Variants in CEMIP observed in about 807,000 individuals in gnomAD.
The protein encoded by CEMIP is cell migration inducing hyaluronidase 1.
Under a neutral mutation model 156.9 loss-of-function variants are expected in CEMIP, and 105 were observed. That is an observed-to-expected ratio of 0.67 (90% CI 0.57 to 0.79). CEMIP has a LOEUF of 0.79. Ranked by LOEUF, CEMIP falls within the 30% of genes least tolerant of loss-of-function variation. The probability of loss-of-function intolerance (pLI) is 0.00; values close to 1 mark genes in which losing one functional copy is unlikely to be tolerated. For synonymous variants in CEMIP, 676 were observed against 668.4 expected (o/e 1.01, Z -0.17); for missense variants, 1,457 against 1,769.4 (o/e 0.82, Z 3.17).
At chr15:80,804,114 C>T (rs1423525284) in intron 1 of CEMIP, among the ~76,000 whole-genome samples, 1 of 152,186 alleles carries the variant, frequency 6.6e-6, no homozygotes, top group Non-Finnish European at 1.5e-5. Flanking sequence ...AAGAGAACAG[C>T]ACCGGAAAGA....
intron 13 of CEMIP, among the ~76,000 whole-genome samples, chr15:80,908,711 C>G (rs908821104): frequency 1.3e-5 from 2 of 152,112 alleles, no homozygotes; most frequent in African/African-American, 4.8e-5. Flanking sequence ...CCTGGATTCC[C>G]CATGGTCATA....
chr15:80,926,826 G>C (rs373490512), intron 19 of CEMIP, among the ~76,000 whole-genome samples: 3 of 124,934 alleles, frequency 2.4e-5, no homozygotes, highest in East Asian at 5.4e-4. Context: ...GGGTGGGGGG[G>C]GGGGGTCTTC....
chr15:80,784,826 G>A (rs571574923), intron 1 of CEMIP, among the ~76,000 whole-genome samples: 4 of 152,286 alleles, frequency 2.6e-5, no homozygotes, highest in South Asian at 2.1e-4. Flanking sequence ...GGTGCACAGA[G>A]CTGCCTTCAA....
rs569601278 is a variant in CEMIP at position 80,871,554 on chromosome 15, C to T, written c.-175-1984C>T. On this transcript the variant is annotated intron_variant, in intron 1 of 29. Coordinates refer to ENST00000394685, the MANE Select transcript of CEMIP (RefSeq NM_001293298.2). Reference sequence around the variant, plus strand: ...AGGAAATGTCTTAATGAGGGTCACCCAACAAGTTAGGGCAGGAGGGATGCC... The same window carrying T: ...AGGAAATGTCTTAATGAGGGTCACCTAACAAGTTAGGGCAGGAGGGATGCC... 2.0e-5 allele frequency among the ~76,000 whole-genome samples: 3 copies of T among 152,282 alleles called. No homozygotes were observed. In the East Asian group the frequency reaches 5.8e-4, roughly 29 times the overall value.
chr15:80,845,839 G>C (rs138301638), intron 1 of CEMIP, among the ~76,000 whole-genome samples: 106 of 152,250 alleles, frequency 7.0e-4, no homozygotes, highest in African/African-American at 2.5e-3. Flanking sequence ...TTAGACCCTG[G>C]AGTGTCACGA....
intron 1 of CEMIP, among the ~76,000 whole-genome samples, chr15:80,821,703 C>T (rs905651887): frequency 3.3e-5 from 5 of 152,216 alleles, no homozygotes; most frequent in Non-Finnish European, 5.9e-5. Flanking sequence ...GTATCCCTTA[C>T]ATCTCTTTCT....
chr15:80,896,290 G>A, intron 12 of CEMIP: 1 of 675,486 alleles, frequency 1.5e-6, no homozygotes, highest in South Asian at 1.5e-5. Flanking sequence ...CTGAGAGTTG[G>A]GTTCAAGTCA....
At chr15:80,909,416 T>C in intron 14 of CEMIP, 110 bp downstream of exon 14, 1 of 1,099,114 alleles carries the variant, frequency 9.1e-7, no homozygotes, top group Non-Finnish European at 1.4e-6. Flanking sequence ...GATTGAACCA[T>C]CCTTAGTTCA....
chr15:80,803,241 G>C (rs1277906291), intron 1 of CEMIP, among the ~76,000 whole-genome samples: 1 of 152,148 alleles, frequency 6.6e-6, no homozygotes, highest in African/African-American at 2.4e-5. Context: ...AGGATGGCTG[G>C]ATTCTGTCCC....
intron 28 of CEMIP, among the ~76,000 whole-genome samples, chr15:80,945,567 A>C (rs145942433): frequency 6.6e-6 from 1 of 152,318 alleles, no homozygotes; most frequent in East Asian, 1.9e-4. Context: ...GCCTTCCTCA[A>C]GGGCCTGAGG....
intron 1 of CEMIP, among the ~76,000 whole-genome samples, chr15:80,795,411 G>C (rs1356999265): frequency 1.3e-5 from 2 of 152,026 alleles, no homozygotes; most frequent in Non-Finnish European, 1.5e-5. Flanking sequence ...GGAAGGAGAA[G>C]TGTGGGTGGA....
At position 80,907,089 on chromosome 15, in the gene CEMIP, C is replaced by T. The variant is rs191091144; in HGVS notation, c.1587+251C>T. The stretch of plus-strand genomic sequence containing the variant: ...ACAAACAGCTCTCTGCTCTCGGCCA[C>T]GTGGTACACATCACACTGTTTCAAC... On this transcript the variant is annotated intron_variant, in intron 13 of 29. Transcript: ENST00000394685. Among the ~76,000 whole-genome samples the T allele has an allele frequency of 6.0e-3, 898 of 150,906 alleles. 6 individuals are homozygous for T. Among genetic ancestry groups the T allele is most frequent in the Middle Eastern group, 0.01 (3 of 294 alleles).
At chr15:80,817,443 C>A (rs183281442) in intron 1 of CEMIP, among the ~76,000 whole-genome samples, 1 of 151,714 alleles carries the variant, frequency 6.6e-6, no homozygotes, top group Admixed American at 6.6e-5. Flanking sequence ...AAAACAACAA[C>A]AACAAAAATT....
At chr15:80,826,743 C>G (rs555063889) in intron 1 of CEMIP, among the ~76,000 whole-genome samples, 35 of 152,318 alleles carry the variant, frequency 2.3e-4, no homozygotes, top group Non-Finnish European at 4.7e-4. Context: ...ATTTGGCCTT[C>G]CAGGGATGGA....
At chr15:80,889,423 C>T in intron 9 of CEMIP, 48 bp from the exon 10 acceptor site, 2 of 1,612,986 alleles carry the variant, frequency 1.2e-6, no homozygotes, top group Non-Finnish European at 1.7e-6. Flanking sequence ...TGTGACTTGC[C>T]CTCACAGACA....
intron 1 of CEMIP, among the ~76,000 whole-genome samples, chr15:80,845,389 C>G (rs140359340): frequency 2.0e-5 from 3 of 152,146 alleles, no homozygotes; most frequent in African/African-American, 7.2e-5. Flanking sequence ...AGTGATCACA[C>G]CACTGCATTC....
intron 1 of CEMIP, among the ~76,000 whole-genome samples, chr15:80,787,478 G>A (rs973530182): frequency 2.6e-5 from 4 of 152,214 alleles, no homozygotes; most frequent in South Asian, 2.1e-4. Context: ...AAGGCTGAGT[G>A]TTGGTGGGTG....
chr15:80,817,865 G>A (rs577484941), intron 1 of CEMIP, among the ~76,000 whole-genome samples: 1 of 151,982 alleles, frequency 6.6e-6, no homozygotes, highest in African/African-American at 2.4e-5. Flanking sequence ...ACCACTTCTT[G>A]TAAAAATTAT....
In CEMIP at chr15:80,943,951, G is replaced by A. The variant is rs76881905; in HGVS notation, c.3857+849G>A. Among the ~76,000 whole-genome samples, 1,472 of 152,190 alleles carry A rather than the reference G, an allele frequency of 9.7e-3. 24 individuals are homozygous for A. Among genetic ancestry groups the A allele is most frequent in the African/African-American group, 0.034 (1,421 of 41,522 alleles). On this transcript the variant is annotated intron_variant, in intron 28 of 29. Transcript: ENST00000394685. ...AGTACCTTACAAGTCTCCCCACATC[G>A]CCTCCTCGGTGAGGTCTTTTCCGAT...
Sources: gnomAD v4.1 joint callset for allele counts (sites outside exome capture counted in the v4.1 genomes callset) on GRCh38, gnomAD v4.1.1 for gene constraint, MANE v1.5 for transcripts, NCBI Gene and HGNC (gene_info 2026-07-23, HGNC 2026-07-21) for gene names.